The following NPIPB11 variants were observed in gnomAD, a reference collection of about 807,000 sequenced individuals.
NPIPB11 encodes the protein nuclear pore complex interacting protein family member B11, also known as nuclear pore complex-interacting protein family member B11.
Under a neutral mutation model 32.8 loss-of-function variants are expected in NPIPB11, and 17 were observed. That is an observed-to-expected ratio of 0.52 (90% CI 0.35 to 0.78). The LOEUF is 0.78. Among genes scored for constraint, NPIPB11 ranks in the 30% least tolerant of loss-of-function variants. The pLI, the probability that NPIPB11 is intolerant of heterozygous loss-of-function variation, is 0.01. For missense variants in NPIPB11, 537 were observed against 1,000.4 expected, an observed-to-expected ratio of 0.54 and a Z score of 6.25; for synonymous variants, 209 against 398.4, an observed-to-expected ratio of 0.52 and a Z score of 5.66.
At chr16:29,406,663 G>A (rs1208719129), upstream of NPIPB11, among the ~76,000 whole-genome samples, 20 of 151,966 alleles carry the variant, frequency 1.3e-4, no homozygotes, top group African/African-American at 3.6e-4. Context: ...GCAGTGAGCC[G>A]AGATCATGCC....
At chr16:29,405,392 A>G (rs2142143593), upstream of NPIPB11, among the ~76,000 whole-genome samples, 1 of 152,278 alleles carries the variant, frequency 6.6e-6, no homozygotes, top group Non-Finnish European at 1.5e-5. Context: ...GACACAGCAG[A>G]GAACAAACTG....
chr16:29,392,735 G>A (rs1320315716), intron 3 of NPIPB11, among the ~76,000 whole-genome samples: 2 of 138,580 alleles, frequency 1.4e-5, no homozygotes, highest in East Asian at 2.1e-4. Context: ...AAAAAAAAAA[G>A]AAAAAAGCTT....
At chr16:29,389,850 A>G (rs1481904976) in intron 5 of NPIPB11, 91 bp downstream of exon 5, 36 of 1,568,426 alleles carry the variant, frequency 2.3e-5, no homozygotes, top group Non-Finnish European at 2.9e-5. Flanking sequence ...TGCCACAAAT[A>G]TTGTAGAAAA....
Position 29,397,379 on chromosome 16 carries a change from T to A in NPIPB11, c.121-3303A>T, listed in dbSNP as rs548387825. Among the ~76,000 whole-genome samples, 380 of 151,230 alleles carry A rather than the reference T, an allele frequency of 2.5e-3. 1 individual carries two copies. The highest frequency in any genetic ancestry group is 8.8e-3 in the African/African-American group (362 of 41,232). ...GCACCACCAGGCCCGACTAATCTTT[T>A]TTGGAATTTTTTGTAGAGATGGGGT... On this transcript the variant is annotated intron_variant, in intron 2 of 7. Coordinates refer to ENST00000524087, the Ensembl canonical transcript of NPIPB11.
chr16:29,401,728 G>T (rs1400089858), intron 2 of NPIPB11, among the ~76,000 whole-genome samples: 1 of 152,150 alleles, frequency 6.6e-6, no homozygotes, highest in Non-Finnish European at 1.5e-5. Context: ...CGAGGCAAGA[G>T]TTGGGAGCCA....
In NPIPB11 at chr16:29,383,148, C is replaced by T. The variant is rs573087874; in HGVS notation, c.1784G>A (p.Arg595Gln). The stretch of plus-strand genomic sequence containing the variant: ...CGGAAGGTCTCTTGAGATTATCATC[C>T]GCTGAGGGTGGAAGCGGAACTGCAG... The change falls in exon 8 of 8, where the codon CGG (arginine) becomes CAG (glutamine). Residue 595 changes from arginine (R) to glutamine (Q), a missense_variant. By Grantham distance (43) the Arg-to-Gln change is conservative (BLOSUM62 1). Coordinates refer to ENST00000524087, the Ensembl canonical transcript of NPIPB11. 80 of 1,564,064 alleles carry T rather than the reference C, an allele frequency of 5.1e-5. 1 individual carries two copies. Among genetic ancestry groups the T allele is most frequent in the Non-Finnish European group, 5.7e-5 (66 of 1,160,406 alleles).
At chr16:29,406,649 G>C (rs1269214188), upstream of NPIPB11, among the ~76,000 whole-genome samples, 3 of 152,180 alleles carry the variant, frequency 2.0e-5, no homozygotes, top group Non-Finnish European at 2.9e-5. Context: ...AGGAGGCGGA[G>C]GTTGCAGTGA....
chr16:29,402,123 A>G (rs1964006120), intron 2 of NPIPB11, among the ~76,000 whole-genome samples: 1 of 149,726 alleles, frequency 6.7e-6, no homozygotes, highest in Non-Finnish European at 1.5e-5. Context: ...ACTCTGTAAA[A>G]TGAGGTGGCT....
intron 2 of NPIPB11, among the ~76,000 whole-genome samples, chr16:29,402,016 G>T (rs1421534670): frequency 6.6e-6 from 1 of 151,578 alleles, no homozygotes; most frequent in Non-Finnish European, 1.5e-5. Context: ...GTCAGAACAT[G>T]AACTGGTGGT....
In NPIPB11 at chr16:29,399,751, AT is replaced by A. The variant is rs554697856; in HGVS notation, c.120+3931del. ...AAAACAGGGTTAACAAAACTATGGA[AT>A]TCAATTCTATTTATATGCTGCAGCC... is the stretch of plus-strand genomic sequence containing the variant. On this transcript the variant is annotated intron_variant, in intron 2 of 7. Coordinates refer to ENST00000524087, the Ensembl canonical transcript of NPIPB11. Among the ~76,000 whole-genome samples the A allele has an allele frequency of 2.0e-3, 303 of 150,668 alleles. 3 individuals carry two copies. Among genetic ancestry groups the A allele is most frequent in the African/African-American group, 6.9e-3 (285 of 41,152 alleles).
intron 2 of NPIPB11, among the ~76,000 whole-genome samples, chr16:29,394,772 G>A (rs1484831637): frequency 2.0e-5 from 3 of 150,736 alleles, no homozygotes; most frequent in African/African-American, 7.3e-5. Context: ...TTGAGATGGG[G>A]TCTCACTCTG....
At chr16:29,397,977 G>T (rs1179330374) in intron 2 of NPIPB11, among the ~76,000 whole-genome samples, 4 of 94,660 alleles carry the variant, frequency 4.2e-5, no homozygotes, top group African/African-American at 2.0e-4. Context: ...GGAGCGTGAG[G>T]CTTAGGAGCA....
intron 2 of NPIPB11, among the ~76,000 whole-genome samples, chr16:29,401,930 AC>A (rs1401924486): frequency 6.6e-6 from 1 of 150,778 alleles, no homozygotes; most frequent in African/African-American, 2.5e-5. Context: ...GCTGTTTCTT[AC>A]CTACAGTGAT....
chr16:29,388,583 CT>C (rs1963626971), intron 5 of NPIPB11, among the ~76,000 whole-genome samples: 1 of 147,506 alleles, frequency 6.8e-6, no homozygotes, highest in African/African-American at 2.5e-5. Flanking sequence ...TGGAGGACCC[CT>C]GACCATCCCC....
rs761855286 is a variant in NPIPB11 at position 29,383,060 on chromosome 16, G to C, written c.1872C>G (p.Tyr624Ter). The C allele has an allele frequency of 6.2e-7, 1 of 1,606,898 alleles. No individual in the cohort carries two copies. The highest frequency in any genetic ancestry group is 1.1e-5 in the South Asian group (1 of 90,698). The change falls in exon 8 of 8, where the codon TAC becomes TAG. Residue 624 changes from tyrosine to a stop codon, truncating the protein, a stop_gained. Transcript: ENST00000524087. LOFTEE classifies it low-confidence loss of function (END_TRUNC). ...AGCGGAACCCGCAGATGCTCAGCAG[G>C]TATCTTGATATTATCATCTGCTGAG...
upstream of NPIPB11, among the ~76,000 whole-genome samples, chr16:29,405,770 C>T (rs535149527): frequency 5.1e-3 from 781 of 152,234 alleles, 6 homozygotes; most frequent in Non-Finnish European, 8.1e-3. Context: ...TCCTACACCT[C>T]CTATAATACT....
intron 2 of NPIPB11, among the ~76,000 whole-genome samples, chr16:29,402,655 A>G (rs79145100): frequency 0.04 from 5,508 of 139,228 alleles, 354 homozygotes; most frequent in African/African-American, 0.13. Flanking sequence ...GTGAGCCAAG[A>G]TTGTGCCACT....
chr16:29,392,148 C>G lies in NPIPB11; in HGVS notation c.249+1800G>C, dbSNP rs575471545. ...TAATCTAAAAAGATGAAAAGAGCAACCACGTCAATCCCACAGCTACTGCTA... is the reference window on the plus strand; with the variant it reads ...TAATCTAAAAAGATGAAAAGAGCAAGCACGTCAATCCCACAGCTACTGCTA... On this transcript the variant is annotated intron_variant, in intron 3 of 7. Coordinates refer to ENST00000524087, the Ensembl canonical transcript of NPIPB11. Among the ~76,000 whole-genome samples, 443 of 151,868 alleles carry G rather than the reference C, an allele frequency of 2.9e-3. 3 individuals carry two copies. The highest frequency in any genetic ancestry group is 9.9e-3 in the African/African-American group (412 of 41,446).
At chr16:29,400,809 G>A (rs1963970539) in intron 2 of NPIPB11, among the ~76,000 whole-genome samples, 1 of 152,120 alleles carries the variant, frequency 6.6e-6, no homozygotes, top group African/African-American at 2.4e-5. Flanking sequence ...CAGCAGTACA[G>A]GCAGGCACAG....
Sources: gnomAD v4.1 joint callset for allele counts (sites outside exome capture counted in the v4.1 genomes callset) on GRCh38, gnomAD v4.1.1 for gene constraint, MANE v1.5 for transcripts, NCBI Gene and HGNC (gene_info 2026-07-23, HGNC 2026-07-21) for gene names.